The following PELI1 variants were observed in gnomAD, a reference collection of about 807,000 sequenced individuals.
The protein encoded by PELI1 is E3 ubiquitin-protein ligase pellino homolog 1.
A neutral mutation model predicts 41.3 loss-of-function variants in PELI1; 15 were observed. The ratio of observed to expected loss-of-function variants is 0.36; its 90% CI spans 0.24 to 0.56. The LOEUF (loss-of-function observed/expected upper bound fraction) is 0.56. Ranked by LOEUF, PELI1 falls within the 20% of genes least tolerant of loss-of-function variation. The probability of loss-of-function intolerance (pLI) is 0.82; values close to 1 mark genes in which losing one functional copy is unlikely to be tolerated. For synonymous variants in PELI1, 178 were observed against 180.1 expected (o/e 0.99, Z 0.09); for missense variants, 403 against 525.5 (o/e 0.77, Z 2.28).
chr2:64,100,277 C>T, intron 4 of PELI1, 121 bp downstream of exon 4: 1 of 616,962 alleles, frequency 1.6e-6, no homozygotes, highest in Non-Finnish European at 2.9e-6. Flanking sequence ...AGCAATCAAT[C>T]TATATTTTAA....
At chr2:64,098,034 GT>G (rs1208452104) in intron 4 of PELI1, among the ~76,000 whole-genome samples, 1 of 152,168 alleles carries the variant, frequency 6.6e-6, no homozygotes, top group African/African-American at 2.4e-5. Context: ...ATCAACAGAA[GT>G]AGCACTTATT....
At chr2:64,112,537 A>T (rs902210709) in intron 1 of PELI1, among the ~76,000 whole-genome samples, 1 of 152,184 alleles carries the variant, frequency 6.6e-6, no homozygotes, top group Non-Finnish European at 1.5e-5. Flanking sequence ...GAAAAACAAT[A>T]TATTTCCAAT....
chr2:64,133,484 AG>A (rs1001068576), intron 1 of PELI1, among the ~76,000 whole-genome samples: 2 of 152,144 alleles, frequency 1.3e-5, no homozygotes, highest in African/African-American at 4.8e-5. Context: ...TGTATAAAAA[AG>A]TTACCTGAAA....
chr2:64,113,290 C>CA (rs1479520606), intron 1 of PELI1, among the ~76,000 whole-genome samples: 45 of 97,370 alleles, frequency 4.6e-4, no homozygotes, highest in South Asian at 1.1e-3. Context: ...AACTCTGTCT[C>CA]AAAAAAAAAG....
intron 1 of PELI1, among the ~76,000 whole-genome samples, chr2:64,111,707 G>C (rs543300936): frequency 6.6e-6 from 1 of 152,074 alleles, no homozygotes; most frequent in Non-Finnish European, 1.5e-5. Flanking sequence ...GAAGTTTCAA[G>C]AACAATTAAA....
chr2:64,098,235 T>C (rs1420014674), intron 4 of PELI1, among the ~76,000 whole-genome samples: 2 of 152,214 alleles, frequency 1.3e-5, no homozygotes, highest in Admixed American at 1.3e-4. Context: ...CTGCTATTAT[T>C]AGCATTAAAA....
intron 1 of PELI1, among the ~76,000 whole-genome samples, chr2:64,116,219 C>T (rs1680986707): frequency 6.6e-6 from 1 of 152,202 alleles, no homozygotes; most frequent in Admixed American, 6.5e-5. Context: ...TAATTCTCCA[C>T]ACCTAGAAAA....
intron 1 of PELI1, among the ~76,000 whole-genome samples, chr2:64,127,383 G>T (rs1014713172): frequency 3.9e-5 from 6 of 152,316 alleles, no homozygotes; most frequent in Non-Finnish European, 7.4e-5. Flanking sequence ...TACAAAAAAT[G>T]TAAAGTTTCA....
chr2:64,141,951 C>T (rs893516925), intron 1 of PELI1, among the ~76,000 whole-genome samples: 3 of 152,168 alleles, frequency 2.0e-5, no homozygotes, highest in African/African-American at 7.2e-5. Flanking sequence ...GAAAATACCA[C>T]AGAAAAAGTT....
intron 1 of PELI1, among the ~76,000 whole-genome samples, chr2:64,141,804 G>T (rs1370275910): frequency 6.6e-6 from 1 of 152,152 alleles, no homozygotes; most frequent in East Asian, 1.9e-4. Flanking sequence ...CCTTTAAGGG[G>T]TCTCAAAGAA....
In PELI1 at chr2:64,144,174, C is replaced by T. The variant is rs1242376843; in HGVS notation, c.-163G>A. 6.6e-6 allele frequency: 1 copy of T among 152,170 alleles called. No homozygotes were observed. Among genetic ancestry groups the T allele is most frequent in the Admixed American group, 6.5e-5 (1 of 15,284 alleles). The allele number at this position is 152,170 out of a possible 1,614,324, so 9.4% of individuals were successfully genotyped here. A position where few individuals can be genotyped will look rare whatever the true frequency, so the allele number is the denominator to read the frequency against. ...TGCGCGGGGAGCGCGAGCAGACAGC[C>T]CGCCGTTCCGCCGCTGCCCTCCGCG... On this transcript the variant is annotated 5_prime_UTR_variant, in exon 1 of 7. Coordinates refer to ENST00000358912, the MANE Select transcript of PELI1 (RefSeq NM_020651.4).
intron 1 of PELI1, among the ~76,000 whole-genome samples, chr2:64,131,694 C>A (rs1474322894): frequency 1.3e-5 from 2 of 151,872 alleles, no homozygotes; most frequent in African/African-American, 4.8e-5. Flanking sequence ...CATCTTGGCT[C>A]ACTGCAACCT....
intron 4 of PELI1, 89 bp downstream of exon 4, chr2:64,100,309 G>T: frequency 4.2e-6 from 3 of 706,034 alleles, no homozygotes; most frequent in South Asian, 1.6e-5. Context: ...ATAAAAATCT[G>T]ATAATCCTCT....
chr2:64,096,752 C>CTA, intron 4 of PELI1, 142 bp from the exon 5 acceptor site: 1 of 594,702 alleles, frequency 1.7e-6, no homozygotes, highest in Non-Finnish European at 3.0e-6. Flanking sequence ...CTGGGGGCAT[C>CTA]TATACTCTTG....
Position 64,108,503 on chromosome 2 carries a change from A to C in PELI1, c.-69-124T>G, listed in dbSNP as rs575824434. On this transcript the variant is annotated intron_variant, in intron 1 of 6. Transcript: ENST00000358912. ...AACCATCACAAGGTATATACATTTT[A>C]TGGGACATTTTGCCCAATAATGATT... 3.8e-4 allele frequency: 184 copies of C among 484,208 alleles called. 1 individual carries two copies. The highest frequency in any genetic ancestry group is 3.5e-3 in the African/African-American group (175 of 50,508). The allele number at this position is 484,208 out of a possible 1,614,324, so 30.0% of individuals were successfully genotyped here.
intron 1 of PELI1, among the ~76,000 whole-genome samples, chr2:64,118,361 A>G (rs1369305397): frequency 1.3e-5 from 2 of 152,196 alleles, no homozygotes; most frequent in Non-Finnish European, 2.9e-5. Context: ...TACCTACACA[A>G]GAGAATGAAT....
chr2:64,131,806 A>AAT (rs1192149687), intron 1 of PELI1, among the ~76,000 whole-genome samples: 1 of 152,010 alleles, frequency 6.6e-6, no homozygotes, highest in African/African-American at 2.4e-5. Flanking sequence ...TTTTTAGTAG[A>AAT]GATGGGGTTT....
intron 1 of PELI1, chr2:64,143,311 C>A (rs530781178): frequency 6.6e-6 from 1 of 152,314 alleles, no homozygotes; most frequent in African/African-American, 2.4e-5. Flanking sequence ...AACTACGTAA[C>A]AATTACCTAG....
At chr2:64,143,846 C>A (rs1191467435) in intron 1 of PELI1, among the ~76,000 whole-genome samples, 2 of 151,824 alleles carry the variant, frequency 1.3e-5, no homozygotes, top group South Asian at 2.1e-4. Context: ...CGCTCCCGGG[C>A]GGAGGGGGAG....
Sources: gnomAD v4.1 joint callset for allele counts (sites outside exome capture counted in the v4.1 genomes callset) on GRCh38, gnomAD v4.1.1 for gene constraint, MANE v1.5 for transcripts, NCBI Gene and HGNC (gene_info 2026-07-23, HGNC 2026-07-21) for gene names.